BTBD8: variants seen among roughly 807,000 people sequenced by gnomAD.
BTBD8 encodes the protein BTB domain containing 8, also known as BTB/POZ domain-containing protein 8.
In BTBD8, 110 loss-of-function variants were observed where a neutral mutation model predicts 162.9. The ratio of observed to expected loss-of-function variants is 0.68; its 90% CI spans 0.58 to 0.79. The LOEUF is 0.79. Among genes scored for constraint, BTBD8 ranks in the 30% least tolerant of loss-of-function variants. BTBD8 has a pLI of 0.00. For missense variants in BTBD8, 1,905 were observed against 2,085.4 expected (o/e 0.91, Z 1.68); for synonymous variants, 667 against 716.1 (o/e 0.93, Z 1.10).
intron 4 of BTBD8, among the ~76,000 whole-genome samples, chr1:92,123,492 TC>T (rs1447385575): frequency 6.6e-6 from 1 of 152,184 alleles, no homozygotes; most frequent in Non-Finnish European, 1.5e-5. Context: ...CTCCATTAGG[TC>T]TTTTAAAATT....
intron 2 of BTBD8, among the ~76,000 whole-genome samples, chr1:92,089,816 A>G (rs1273136474): frequency 6.6e-6 from 1 of 152,126 alleles, no homozygotes; most frequent in Non-Finnish European, 1.5e-5. Flanking sequence ...GGGGACACAA[A>G]CATTCAGACC....
At chr1:92,144,253 A>G (rs1451106504) in intron 7 of BTBD8, among the ~76,000 whole-genome samples, 1 of 151,608 alleles carries the variant, frequency 6.6e-6, no homozygotes, top group Non-Finnish European at 1.5e-5. Context: ...AGATTACAGG[A>G]GTGAGCCACT....
In BTBD8 at chr1:92,181,280, C is replaced by T. The variant is rs892563515; in HGVS notation, c.3597C>T (p.Ser1199=). The part of the protein sequence containing the change: ...KHATADSDVS[S]KCFSGQLSEK... ...CTACAGCAGACTCAGATGTATCTTC[C>T]AAGTGTTTTTCGGGACAGCTATCAG... The change falls in exon 17 of 18, where the codon TCC becomes TCT. Residue 1199 remains serine (S), a synonymous_variant. Coordinates refer to ENST00000636805, the MANE Select transcript of BTBD8 (RefSeq NM_001376131.1). 3 of 1,551,586 alleles carry T rather than the reference C, an allele frequency of 1.9e-6. No homozygotes were observed. Among genetic ancestry groups the T allele is most frequent in the East Asian group, 2.4e-5 (1 of 40,920 alleles).
At chr1:92,166,424 C>CTTTTTTTTTTTTTTTTTT (rs35849731) in intron 9 of BTBD8, among the ~76,000 whole-genome samples, 1 of 120,416 alleles carries the variant, frequency 8.3e-6, no homozygotes, top group Non-Finnish European at 1.7e-5. Context: ...TCTTTTCTTT[C>CTTTTTTTTTTTTTTTTTT]TTTTTTTTTT....
At chr1:92,109,074 T>C (rs1648818191) in intron 4 of BTBD8, among the ~76,000 whole-genome samples, 1 of 152,198 alleles carries the variant, frequency 6.6e-6, no homozygotes, top group African/African-American at 2.4e-5. Context: ...AACTTTTCTC[T>C]ATGGGACTGT....
At position 92,181,304 on chromosome 1, in the gene BTBD8, A is replaced by T. The variant is rs762469856; in HGVS notation, c.3621A>T (p.Ser1207=). 1 of 1,551,514 alleles carries T rather than the reference A, an allele frequency of 6.4e-7. No homozygotes were observed. Among genetic ancestry groups the T allele is most frequent in the South Asian group, 1.2e-5 (1 of 84,040 alleles). Residue 1207 remains serine (S), a synonymous_variant, in exon 17 of 18, where the codon TCA becomes TCT. Coordinates refer to ENST00000636805, the MANE Select transcript of BTBD8 (RefSeq NM_001376131.1). ...CCAAGTGTTTTTCGGGACAGCTATC[A>T]GAAAAAAATTCTCCTAAAAATATGG... The part of the protein sequence containing the change: ...VSSKCFSGQL[S]EKNSPKNMET...
At chr1:92,143,274 T>C (rs186561956) in intron 7 of BTBD8, among the ~76,000 whole-genome samples, 1 of 152,246 alleles carries the variant, frequency 6.6e-6, no homozygotes, top group East Asian at 1.9e-4. Flanking sequence ...GCTGTAAAAA[T>C]AGTCTTTTAT....
At chr1:92,161,941 G>A (rs928427254) in intron 9 of BTBD8, among the ~76,000 whole-genome samples, 2 of 152,070 alleles carry the variant, frequency 1.3e-5, no homozygotes, top group Non-Finnish European at 2.9e-5. Flanking sequence ...ATGATGTACT[G>A]GTGTTTTCTA....
chr1:92,123,796 A>AG (rs5776135), intron 4 of BTBD8, among the ~76,000 whole-genome samples: 8 of 151,054 alleles, frequency 5.3e-5, no homozygotes, highest in Admixed American at 5.3e-4. Flanking sequence ...AAAAAAAAAA[A>AG]GAAAATTTGT....
chr1:92,144,970 T>G (rs376894384), intron 7 of BTBD8, among the ~76,000 whole-genome samples: 2 of 152,194 alleles, frequency 1.3e-5, no homozygotes, highest in African/African-American at 2.4e-5. Context: ...TGTTGTTGTT[T>G]TTTTGAGATG....
intron 2 of BTBD8, among the ~76,000 whole-genome samples, chr1:92,097,321 A>C (rs1295105429): frequency 6.6e-6 from 1 of 151,818 alleles, no homozygotes; most frequent in Admixed American, 6.6e-5. Context: ...TTTCACATCA[A>C]AGCTCCTCAA....
chr1:92,092,947 T>G (rs1004363803), intron 2 of BTBD8, among the ~76,000 whole-genome samples: 1 of 152,204 alleles, frequency 6.6e-6, no homozygotes, highest in South Asian at 2.1e-4. Flanking sequence ...TTTATGTGAT[T>G]GGCTTATTCA....
chr1:92,141,031 G>A, intron 6 of BTBD8, 84 bp from the exon 7 acceptor site: 3 of 1,245,054 alleles, frequency 2.4e-6, no homozygotes, highest in Non-Finnish European at 3.2e-6. Flanking sequence ...TTTAAAAACA[G>A]ACTATATATT....
intron 4 of BTBD8, among the ~76,000 whole-genome samples, chr1:92,119,613 C>A (rs905980734): frequency 6.0e-5 from 9 of 150,584 alleles, no homozygotes; most frequent in African/African-American, 2.2e-4. Flanking sequence ...ATTCTATAAG[C>A]TCTTTTCTTT....
At chr1:92,126,193 A>G in intron 4 of BTBD8, 1 of 518,124 alleles carries the variant, frequency 1.9e-6, no homozygotes, top group Non-Finnish European at 3.8e-6. Flanking sequence ...GAACCAGGGG[A>G]TGAGTTCCTT....
At chr1:92,126,356 C>T in intron 4 of BTBD8, 1 of 632,342 alleles carries the variant, frequency 1.6e-6, no homozygotes, top group South Asian at 1.4e-5. Context: ...TACATGGCCC[C>T]TTGAAGTACA....
chr1:92,131,603 A>G (rs747873020), intron 5 of BTBD8, among the ~76,000 whole-genome samples: 3 of 151,984 alleles, frequency 2.0e-5, no homozygotes, highest in Non-Finnish European at 4.4e-5. Context: ...ACGTGCCTGT[A>G]ATCCCAGCTA....
intron 4 of BTBD8, among the ~76,000 whole-genome samples, chr1:92,111,647 A>G (rs1205056755): frequency 6.6e-6 from 1 of 152,204 alleles, no homozygotes; most frequent in Non-Finnish European, 1.5e-5. Flanking sequence ...TTTTATCTGT[A>G]AAAGGAATAG....
At chr1:92,108,928 GT>G (rs1201933923) in intron 4 of BTBD8, among the ~76,000 whole-genome samples, 1 of 152,148 alleles carries the variant, frequency 6.6e-6, no homozygotes, top group African/African-American at 2.4e-5. Flanking sequence ...TTAGCAGTGG[GT>G]TTAGGTTACT....
Sources: gnomAD v4.1 joint callset for allele counts (sites outside exome capture counted in the v4.1 genomes callset) on GRCh38, gnomAD v4.1.1 for gene constraint, MANE v1.5 for transcripts, NCBI Gene and HGNC (gene_info 2026-07-23, HGNC 2026-07-21) for gene names.